The following COL9A1 variants were observed in gnomAD, a reference collection of about 807,000 sequenced individuals.
COL9A1 encodes the protein collagen alpha-1(IX) chain.
In COL9A1, 104 loss-of-function variants were observed where a neutral mutation model predicts 142.6. The observed-to-expected ratio is 0.73, with a 90% CI of 0.62 to 0.86. COL9A1 has a LOEUF of 0.86. Among genes scored for constraint, COL9A1 ranks in the 40% least tolerant of loss-of-function variants. COL9A1 has a pLI of 0.00. For missense variants in COL9A1, 1,210 were observed against 1,176.6 expected (o/e 1.03, Z -0.42); for synonymous variants, 466 against 396.0 (o/e 1.18, Z -2.10).
chr6:70,219,164 AGC>A (rs1346425267), intron 37 of COL9A1, among the ~76,000 whole-genome samples: 1 of 152,226 alleles, frequency 6.6e-6, no homozygotes, highest in Non-Finnish European at 1.5e-5. Flanking sequence ...TTAAAAGATG[AGC>A]CAGATCTAAA....
intron 31 of COL9A1, 75 bp downstream of exon 31, chr6:70,241,344 C>T: frequency 4.2e-6 from 5 of 1,202,522 alleles, no homozygotes; most frequent in Non-Finnish European, 6.2e-6. Flanking sequence ...CCCCATAAAC[C>T]AGCCATTCCC....
At chr6:70,274,950 T>C in intron 10 of COL9A1, 178 bp from the exon 11 acceptor site, 1 of 606,186 alleles carries the variant, frequency 1.6e-6, no homozygotes, top group Non-Finnish European at 2.9e-6. Flanking sequence ...TAACAGAAGA[T>C]CTGCCTGTTG....
Position 70,241,992 on chromosome 6 carries a change from G to A in COL9A1, c.1970C>T (p.Pro657Leu). Residue 657 changes from proline to leucine, a missense_variant, in exon 30 of 38, where the codon CCT (proline) becomes CTT (leucine). Transcript: ENST00000357250. Reference sequence around the variant, plus strand: ...GTCACCTTTCATTCCAGGAAGTCCAGGGGGCCCAGGCAAGCCAGGGAGGCC... The same window carrying A: ...GTCACCTTTCATTCCAGGAAGTCCAAGGGGCCCAGGCAAGCCAGGGAGGCC... ...SPGLPGLPGP[P>L]GLPGMKGDRG... is the part of the protein sequence containing the mutation. The A allele has an allele frequency of 6.3e-7, 1 of 1,599,452 alleles. No homozygotes were observed. The highest frequency in any genetic ancestry group is 1.3e-5 in the African/African-American group (1 of 74,690).
intron 36 of COL9A1, among the ~76,000 whole-genome samples, chr6:70,230,572 A>G (rs1769480996): frequency 6.6e-6 from 1 of 152,212 alleles, no homozygotes; most frequent in Non-Finnish European, 1.5e-5. Context: ...GCCATTTCCC[A>G]GGTTCCAAAT....
At chr6:70,215,412 GCTCA>G (rs981276437), downstream of COL9A1, 91 of 152,170 alleles carry the variant, frequency 6.0e-4, no homozygotes, top group African/African-American at 2.0e-3. Flanking sequence ...TTATATTAGG[GCTCA>G]CTCTCCTTTG....
chr6:70,273,979 AT>A (rs767394261), intron 12 of COL9A1, 67 bp downstream of exon 12: 1 of 885,018 alleles, frequency 1.1e-6, no homozygotes, highest in Non-Finnish European at 1.6e-6. Context: ...AAATAAAAAG[AT>A]TTCACAATGG....
intron 28 of COL9A1, 29 bp from the exon 29 acceptor site, chr6:70,242,744 A>T: frequency 6.2e-7 from 1 of 1,607,646 alleles, no homozygotes; most frequent in South Asian, 1.1e-5. Flanking sequence ...TGTCAATTGG[A>T]TATTTTGCCA....
At position 70,241,420 on chromosome 6, in the gene COL9A1, T is replaced by C. The variant is rs1770248495; in HGVS notation, c.2033A>G (p.Gln678Arg). Residue 678 changes from glutamine to arginine, a missense_variant and splice_region_variant, in exon 31 of 38, where the codon CAG becomes CGG. Coordinates refer to ENST00000357250, the MANE Select transcript of COL9A1 (RefSeq NM_001851.6). ...VVGEPGPKGE[Q>R]GASGEEGEAG... ...TACCAATTAAATAATAAGACTGACC[T>C]GTTCACCCTTTGGACCCGGTTCACC... is the stretch of plus-strand genomic sequence containing the variant. 5.0e-6 allele frequency: 8 copies of C among 1,610,230 alleles called. No individual in the cohort carries two copies. In the East Asian group the frequency reaches 1.6e-4, roughly 31 times the overall value.
intron 35 of COL9A1, 53 bp from the exon 36 acceptor site, chr6:70,232,824 T>A: frequency 6.5e-7 from 1 of 1,543,096 alleles, no homozygotes. Flanking sequence ...TAAAAGTTAT[T>A]CTAATGAAAA....
rs887513791 is a variant in COL9A1 at position 70,234,805 on chromosome 6, G to A, written c.2248C>T (p.Gln750Ter). 7.4e-6 allele frequency: 12 copies of A among 1,614,088 alleles called. No homozygotes were observed. Among genetic ancestry groups the A allele is most frequent in the Non-Finnish European group, 1.0e-5 (12 of 1,180,010 alleles). The change falls in exon 34 of 38, where the codon CAG becomes TAG. Residue 750 changes from glutamine to a stop codon, truncating the protein, a stop_gained. Coordinates refer to ENST00000357250, the MANE Select transcript of COL9A1 (RefSeq NM_001851.6). LOFTEE classifies it high-confidence loss of function. Reference sequence around the variant, plus strand: ...TGCCCACCACTCACCGGAGGGCCCTGGACACCAGGCAGGCCGGTGGCACCC... The same window carrying A: ...TGCCCACCACTCACCGGAGGGCCCTAGACACCAGGCAGGCCGGTGGCACCC... ...EQGATGLPGV[Q>*]GPPGRAPTDQ...
At position 70,255,387 on chromosome 6, in the gene COL9A1, C is replaced by A. The variant is rs1181846645; in HGVS notation, c.1507G>T (p.Asp503Tyr). 6.2e-7 allele frequency: 1 copy of A among 1,614,046 alleles called. No individual in the cohort carries two copies. ...GPQGLPGAPG[D>Y]QGQRGPPGEA... ...CCTGGAGGTCCTCGCTGTCCTTGAT[C>A]ACCCTGTATGAAAATAAAATTTTGT... Residue 503 changes from aspartate to tyrosine, a missense_variant, in exon 22 of 38, where the codon GAT becomes TAT. By Grantham distance (160) the Asp-to-Tyr change is radical. Transcript: ENST00000357250.
intron 22 of COL9A1, 58 bp from the exon 23 acceptor site, chr6:70,255,261 C>T (rs1771206524): frequency 7.4e-6 from 12 of 1,611,546 alleles, no homozygotes; most frequent in Non-Finnish European, 1.0e-5. Context: ...AATACTTAGA[C>T]TTGTCAAAGA....
intron 21 of COL9A1, 80 bp from the exon 22 acceptor site, chr6:70,255,470 C>G: frequency 1.7e-6 from 2 of 1,199,050 alleles, no homozygotes; most frequent in East Asian, 4.7e-5. Flanking sequence ...GTATCATCCA[C>G]GTCACCAAAC....
Position 70,241,461 on chromosome 6 carries a change from T to C in COL9A1, c.1999-7A>G. ...CCGGTTCACCGACTACACCCTGTAA[T>C]AAATAAAATATAATACTTTTTCAGT... is the stretch of plus-strand genomic sequence containing the variant. On this transcript the variant is annotated splice_region_variant and splice_polypyrimidine_tract_variant and intron_variant, in intron 30 of 37. Coordinates refer to ENST00000357250, the MANE Select transcript of COL9A1 (RefSeq NM_001851.6). 6.2e-7 allele frequency: 1 copy of C among 1,607,200 alleles called. No homozygotes were observed. Among genetic ancestry groups the C allele is most frequent in the Admixed American group, 1.7e-5 (1 of 60,026 alleles).
chr6:70,218,738 A>AG (rs765711033), intron 37 of COL9A1, among the ~76,000 whole-genome samples: 52,052 of 151,640 alleles, frequency 0.34, 9,080 homozygotes, highest in East Asian at 0.44. Flanking sequence ...GGTCTTATTC[A>AG]TATATATCTC....
chr6:70,259,664 C>G (rs987406414), intron 20 of COL9A1, among the ~76,000 whole-genome samples: 1 of 152,152 alleles, frequency 6.6e-6, no homozygotes, highest in Non-Finnish European at 1.5e-5. Flanking sequence ...CAAGATTAGC[C>G]CTGCTTCCGC....
chr6:70,297,456 TA>T (rs933371363), intron 4 of COL9A1, among the ~76,000 whole-genome samples: 2 of 152,154 alleles, frequency 1.3e-5, no homozygotes, highest in Non-Finnish European at 2.9e-5. Context: ...TTCATACTAA[TA>T]AAATATATAT....
At chr6:70,233,285 A>G (rs375563196) in intron 35 of COL9A1, among the ~76,000 whole-genome samples, 2 of 152,234 alleles carry the variant, frequency 1.3e-5, no homozygotes, top group East Asian at 1.9e-4. Context: ...AAACTGAAAT[A>G]TCCCCAGGAG....
chr6:70,225,550 A>G (rs1769176916), intron 37 of COL9A1, among the ~76,000 whole-genome samples: 1 of 152,036 alleles, frequency 6.6e-6, no homozygotes, highest in Non-Finnish European at 1.5e-5. Context: ...AGAGATTAAA[A>G]ACAGGCTAAT....
Sources: allele counts gnomAD v4.1 joint callset (sites outside exome capture counted in the v4.1 genomes callset), GRCh38; gene constraint gnomAD v4.1.1; transcripts MANE v1.5; gene names NCBI Gene and HGNC (gene_info 2026-07-23, HGNC 2026-07-21).